MYH11: variants seen among roughly 807,000 people sequenced by gnomAD.
MYH11 encodes myosin heavy chain 11.
MYH11 carries 80 observed loss-of-function variants against 246.6 expected under a neutral mutation model. That is an observed-to-expected ratio of 0.32 (90% CI 0.27 to 0.39). The LOEUF is 0.39. MYH11 is among the 10% of genes least tolerant of loss of function. The pLI, the probability that MYH11 is intolerant of heterozygous loss-of-function variation, is 1.00. For missense variants in MYH11, 2,158 were observed against 2,546.8 expected, an observed-to-expected ratio of 0.85 and a Z score of 3.29; for synonymous variants, 1,071 against 1,015.5, an observed-to-expected ratio of 1.05 and a Z score of -1.04.
chr16:15,710,730 A>G (rs1327130793), intron 40 of MYH11, among the ~76,000 whole-genome samples: 1 of 151,636 alleles, frequency 6.6e-6, no homozygotes, highest in East Asian at 1.9e-4. Flanking sequence ...AGGCTGGAGT[A>G]TAGAGGCTTG....
At chr16:15,846,073 T>A (rs998988553) in intron 1 of MYH11, among the ~76,000 whole-genome samples, 6 of 152,086 alleles carry the variant, frequency 3.9e-5, no homozygotes, top group Non-Finnish European at 8.8e-5. Context: ...CACTCCAGCC[T>A]TGGCGACAGA....
At chr16:15,714,859 C>G in intron 40 of MYH11, 50 bp downstream of exon 40, 2 of 1,609,504 alleles carry the variant, frequency 1.2e-6, no homozygotes, top group African/African-American at 1.3e-5. Context: ...GCCCCCAGTG[C>G]TTTTCTCTGG....
At chr16:15,763,741 T>TCCGGCCC in intron 10 of MYH11, 55 bp downstream of exon 10, 4 of 646,854 alleles carry the variant, frequency 6.2e-6, no homozygotes, top group Non-Finnish European at 5.8e-6. Context: ...AAATGTCACC[T>TCCGGCCC]CCCCCACCCC....
At chr16:15,744,214 G>T (rs1056764975) in intron 20 of MYH11, among the ~76,000 whole-genome samples, 13 of 151,334 alleles carry the variant, frequency 8.6e-5, no homozygotes, top group African/African-American at 2.2e-4. Flanking sequence ...TTTTTGAGAC[G>T]GAGTCTCGCT....
chr16:15,740,504 G>A (rs1045779147), intron 22 of MYH11, among the ~76,000 whole-genome samples: 5 of 151,804 alleles, frequency 3.3e-5, no homozygotes, highest in African/African-American at 4.8e-5. Flanking sequence ...CCAGCTACTC[G>A]GGAGGCTGAG....
intron 2 of MYH11, among the ~76,000 whole-genome samples, chr16:15,825,882 A>G (rs969461696): frequency 3.4e-4 from 51 of 152,106 alleles, no homozygotes; most frequent in Non-Finnish European, 3.8e-4. Flanking sequence ...CCCAAACGAT[A>G]AACATCAGTA....
chr16:15,748,247 T>C, intron 16 of MYH11, 79 bp from the exon 17 acceptor site: 3 of 1,595,900 alleles, frequency 1.9e-6, no homozygotes, highest in Non-Finnish European at 2.6e-6. Context: ...CCTACCTGGA[T>C]GACCCACCTG....
chr16:15,806,321 C>T (rs1180798954), intron 3 of MYH11, among the ~76,000 whole-genome samples: 2 of 135,984 alleles, frequency 1.5e-5, no homozygotes, highest in Non-Finnish European at 3.2e-5. Context: ...AAAAAGAAGC[C>T]AGCCACAAAA....
chr16:15,735,306 C>T (rs1411191805), intron 26 of MYH11, 60 bp downstream of exon 26: 6 of 1,586,344 alleles, frequency 3.8e-6, no homozygotes, highest in Non-Finnish European at 3.5e-6. Flanking sequence ...GTCCCCTCTT[C>T]TGCCCCCATC....
chr16:15,758,057 A>G, intron 12 of MYH11, 57 bp from the exon 13 acceptor site: 2 of 1,611,256 alleles, frequency 1.2e-6, no homozygotes, highest in South Asian at 1.1e-5. Flanking sequence ...TCAGAAGACA[A>G]GGAGCCCCAC....
Position 15,740,189 on chromosome 16 carries a change from C to T in MYH11, c.2860-1G>A. ...CCTCCTCCAGCTGTTCTTCAAGGTC[C>T]TTTGTTGTGGAGGGAAAAGAGTAAC... On this transcript the variant is annotated splice_acceptor_variant, in intron 22 of 40. Coordinates refer to ENST00000300036, the MANE Select transcript of MYH11 (RefSeq NM_002474.3). LOFTEE classifies it high-confidence loss of function. 6.2e-7 allele frequency: 1 copy of T among 1,614,136 alleles called. No individual in the cohort carries two copies. Among genetic ancestry groups the T allele is most frequent in the Non-Finnish European group, 8.5e-7 (1 of 1,180,010 alleles).
At chr16:15,717,507 C>T (rs1050073132) in intron 37 of MYH11, 159 bp from the exon 38 acceptor site, 4 of 729,490 alleles carry the variant, frequency 5.5e-6, no homozygotes, top group African/African-American at 3.5e-5. Context: ...TCAAGAGCTT[C>T]TTCCAGGCCG....
In MYH11 at chr16:15,738,692, T is replaced by C; in HGVS notation, c.2998-4A>G. On this transcript the variant is annotated splice_polypyrimidine_tract_variant and splice_region_variant and intron_variant, in intron 23 of 40. Coordinates refer to ENST00000300036, the MANE Select transcript of MYH11 (RefSeq NM_002474.3). ...TCTCCTCAAGGAGTTTTCGTTCCTT[T>C]TTGGGGAAAGAGAAAGAGATAGCTT... 1 of 1,613,626 alleles carries C rather than the reference T, an allele frequency of 6.2e-7. No homozygotes were observed.
chr16:15,769,681 C>T (rs1464935886), intron 9 of MYH11, among the ~76,000 whole-genome samples: 1 of 152,246 alleles, frequency 6.6e-6, no homozygotes, highest in African/African-American at 2.4e-5. Context: ...CCTGCCTTGG[C>T]TTCTCAAAGT....
At chr16:15,822,316 C>T (rs1416531813) in intron 3 of MYH11, among the ~76,000 whole-genome samples, 1 of 152,148 alleles carries the variant, frequency 6.6e-6, no homozygotes, top group Admixed American at 6.6e-5. Flanking sequence ...CACTTGTTTG[C>T]ATTAACTGCC....
chr16:15,712,655 G>T (rs564660654), intron 40 of MYH11, among the ~76,000 whole-genome samples: 92 of 152,176 alleles, frequency 6.0e-4, no homozygotes, highest in South Asian at 1.7e-3. Context: ...CGAGGTGAGG[G>T]ATCAGCAGAG....
intron 10 of MYH11, among the ~76,000 whole-genome samples, 193 bp downstream of exon 10, chr16:15,763,603 G>A (rs1322947580): frequency 6.6e-6 from 1 of 151,794 alleles, no homozygotes; most frequent in Non-Finnish European, 1.5e-5. Context: ...TAATCCCTGC[G>A]CTCTGATTCA....
intron 40 of MYH11, among the ~76,000 whole-genome samples, chr16:15,709,460 A>G (rs1436466274): frequency 1.3e-5 from 2 of 152,042 alleles, no homozygotes; most frequent in Non-Finnish European, 2.9e-5. Context: ...GATTACAGGC[A>G]TGCACCACCG....
chr16:15,731,272 C>A (rs116416556), intron 27 of MYH11, among the ~76,000 whole-genome samples: 2,419 of 152,270 alleles, frequency 0.016, 63 homozygotes, highest in African/African-American at 0.055. Context: ...GGCCTTCAGT[C>A]CTGTAGAGGC....
Sources: allele counts gnomAD v4.1 joint callset (sites outside exome capture counted in the v4.1 genomes callset), GRCh38; gene constraint gnomAD v4.1.1; transcripts MANE v1.5; gene names NCBI Gene and HGNC (gene_info 2026-07-23, HGNC 2026-07-21).